The following CACNA1C variants were observed in gnomAD, a reference collection of about 807,000 sequenced individuals.
The protein encoded by CACNA1C is voltage-dependent L-type calcium channel subunit alpha-1C.
CACNA1C carries 30 observed loss-of-function variants against 229.0 expected under a neutral mutation model. The ratio of observed to expected loss-of-function variants is 0.13; its 90% confidence interval spans 0.10 to 0.18. CACNA1C has a LOEUF of 0.18. CACNA1C is among the 10% of genes least tolerant of loss of function. The pLI is 1.00. For synonymous variants in CACNA1C, 1,114 were observed against 1,132.5 expected, an observed-to-expected ratio of 0.98 and a Z score of 0.33; for missense variants, 1,658 against 2,845.0, an observed-to-expected ratio of 0.58 and a Z score of 9.49.
chr12:2,203,091 G>T lies in CACNA1C; in HGVS notation c.477+82661G>T, dbSNP rs139643502. On this transcript the variant is annotated intron_variant, in intron 3 of 46. Coordinates refer to ENST00000399655, the MANE Select transcript of CACNA1C (RefSeq NM_000719.7). ...AGAAAGGTCTTGATTTCCATGCTGG[G>T]GGTGTAGCCATGCATACCCTGTCTA... is the stretch of plus-strand genomic sequence containing the variant. Among the ~76,000 whole-genome samples the T allele has an allele frequency of 1.8e-4, 27 of 152,314 alleles. No individual in the cohort carries two copies. The East Asian group carries it at 4.1e-3, about 23-fold the overall frequency.
chr12:2,347,845 A>G (rs994658932), intron 3 of CACNA1C, among the ~76,000 whole-genome samples: 3 of 152,232 alleles, frequency 2.0e-5, no homozygotes, highest in Non-Finnish European at 4.4e-5. Context: ...AGCAGGTCCC[A>G]GACTCAGGTC....
At chr12:2,179,183 G>T (rs1290587971) in intron 3 of CACNA1C, among the ~76,000 whole-genome samples, 1 of 152,218 alleles carries the variant, frequency 6.6e-6, no homozygotes, top group Non-Finnish European at 1.5e-5. Flanking sequence ...AATGTTTGAT[G>T]ACTTGGAATC....
intron 3 of CACNA1C, among the ~76,000 whole-genome samples, chr12:2,356,135 G>T (rs7969235): frequency 0.023 from 3,499 of 152,372 alleles, 129 homozygotes; most frequent in African/African-American, 0.08. Context: ...ATTACCTGGT[G>T]CAGTAGCTTA....
At chr12:2,528,359 G>A (rs1049679827) in intron 9 of CACNA1C, among the ~76,000 whole-genome samples, 1 of 152,176 alleles carries the variant, frequency 6.6e-6, no homozygotes, top group African/African-American at 2.4e-5. Flanking sequence ...GGCCAAACCT[G>A]ATCATTTCAG....
chr12:2,282,072 A>G (rs1290739813), intron 3 of CACNA1C, among the ~76,000 whole-genome samples: 1 of 151,626 alleles, frequency 6.6e-6, no homozygotes, highest in Non-Finnish European at 1.5e-5. Flanking sequence ...TCCCTCCCTC[A>G]TTCCTTATCT....
intron 1 of CACNA1C, among the ~76,000 whole-genome samples, chr12:2,066,170 A>G (rs909794940): frequency 6.6e-6 from 1 of 152,070 alleles, no homozygotes; most frequent in Non-Finnish European, 1.5e-5. Flanking sequence ...GCCAGAGACA[A>G]GGGAGCCCTG....
chr12:2,310,446 T>C (rs1304146211), intron 3 of CACNA1C, among the ~76,000 whole-genome samples: 1 of 151,828 alleles, frequency 6.6e-6, no homozygotes. Context: ...GGAGGCAAAA[T>C]GACATTGACA....
intron 3 of CACNA1C, among the ~76,000 whole-genome samples, chr12:2,174,179 G>C (rs768784832): frequency 1.3e-5 from 2 of 152,082 alleles, no homozygotes; most frequent in Non-Finnish European, 2.9e-5. Flanking sequence ...CCAGATAAAT[G>C]GTGGCCAGCC....
At chr12:2,461,194 A>G (rs1307853681) in intron 5 of CACNA1C, among the ~76,000 whole-genome samples, 1 of 152,146 alleles carries the variant, frequency 6.6e-6, no homozygotes, top group African/African-American at 2.4e-5. Context: ...ACCATCAGTG[A>G]TCACCGTTAC....
In CACNA1C at chr12:2,512,975, C is replaced by A. The variant is rs776242172; in HGVS notation, c.1381C>A (p.Pro461Thr). 8.1e-6 allele frequency: 13 copies of A among 1,602,278 alleles called. No individual in the cohort carries two copies. The highest frequency in any genetic ancestry group is 1.0e-5 in the Non-Finnish European group (12 of 1,174,326). Residue 461 changes from proline (P) to threonine (T), a missense_variant, in exon 9 of 47, where the codon CCC (proline) becomes ACC (threonine). Physicochemically the swap from Pro to Thr is conservative, Grantham distance 38. Around this residue, in one of 20 missense-constraint regions of CACNA1C, gnomAD observed 149 missense variants for 194.2 expected, o/e 0.77. Transcript: ENST00000399655. This position sits in a 1 kb window ranked among gnomAD's most constrained non-coding sequence, Gnocchi z 4.3. The part of the protein sequence containing the change: ...NEDEGMDEEK[P>T]RNMSMPTSET... Reference sequence around the variant, plus strand: ...GGACGAAGGCATGGATGAGGAGAAGCCCCGAAACAGTGAGCAGCCGTCTTC... The same window carrying A: ...GGACGAAGGCATGGATGAGGAGAAGACCCGAAACAGTGAGCAGCCGTCTTC...
chr12:2,214,855 G>A (rs1365605687), intron 3 of CACNA1C, among the ~76,000 whole-genome samples: 1 of 151,422 alleles, frequency 6.6e-6, no homozygotes, highest in Non-Finnish European at 1.5e-5. Flanking sequence ...ATCCCTTCTA[G>A]TCTATGCTTC....
chr12:2,216,411 G>C (rs1209495831), intron 3 of CACNA1C, among the ~76,000 whole-genome samples: 3 of 152,176 alleles, frequency 2.0e-5, no homozygotes, highest in African/African-American at 7.2e-5. Flanking sequence ...GAGATAAAAG[G>C]CTTCAACTGG....
At position 2,438,388 on chromosome 12, in the gene CACNA1C, G is replaced by A. The variant is rs1009968778; in HGVS notation, c.478-10588G>A. On this transcript the variant is annotated intron_variant, in intron 3 of 46. Transcript: ENST00000399655. ...TGGTGGTGGTGGTGATGGTGGTCAT[G>A]GTAGTCATGGTGGTGGTGGTGATGG... Among the ~76,000 whole-genome samples, 2 of 145,700 alleles carry A rather than the reference G, an allele frequency of 1.4e-5. 1 individual carries two copies. Among genetic ancestry groups the A allele is most frequent in the South Asian group, 4.5e-4 (2 of 4,456 alleles).
chr12:2,485,776 G>A (rs2099695156), intron 5 of CACNA1C, among the ~76,000 whole-genome samples: 1 of 152,174 alleles, frequency 6.6e-6, no homozygotes, highest in Non-Finnish European at 1.5e-5. Context: ...GCTGCTCTAG[G>A]AGAAAAAGAT....
intron 37 of CACNA1C, among the ~76,000 whole-genome samples, chr12:2,667,943 C>T (rs1368103262): frequency 2.0e-5 from 3 of 152,238 alleles, no homozygotes; most frequent in African/African-American, 7.2e-5. Flanking sequence ...ATGCTGAAGG[C>T]CCCACACCAG....
intron 3 of CACNA1C, among the ~76,000 whole-genome samples, chr12:2,334,161 C>T (rs2096627391): frequency 6.6e-6 from 1 of 152,176 alleles, no homozygotes; most frequent in Non-Finnish European, 1.5e-5. Flanking sequence ...GTTACCCCCA[C>T]CTAGTGAAAA....
intron 3 of CACNA1C, among the ~76,000 whole-genome samples, chr12:2,272,587 G>A (rs2154421981): frequency 6.6e-6 from 1 of 152,342 alleles, no homozygotes; most frequent in East Asian, 1.9e-4. Context: ...CTTCCTGGAA[G>A]TTATTCCTAG....
At chr12:2,295,880 A>G (rs1303617764) in intron 3 of CACNA1C, among the ~76,000 whole-genome samples, 1 of 152,242 alleles carries the variant, frequency 6.6e-6, no homozygotes, top group Admixed American at 6.5e-5. Flanking sequence ...GTCCTCTGCC[A>G]TAGCTGCATC....
At chr12:2,385,963 A>G (rs977924749) in intron 3 of CACNA1C, among the ~76,000 whole-genome samples, 4 of 152,240 alleles carry the variant, frequency 2.6e-5, no homozygotes, top group African/African-American at 9.6e-5. Context: ...AATGACCATT[A>G]TTAAAAATTA....
Sources: gnomAD v4.1 joint callset for allele counts (sites outside exome capture counted in the v4.1 genomes callset) on GRCh38, gnomAD v4.1.1 for gene constraint, gnomAD v4.1.1 regional missense constraint, Gnocchi (gnomAD v3.1) non-coding constraint, MANE v1.5 for transcripts, NCBI Gene and HGNC (gene_info 2026-07-23, HGNC 2026-07-21) for gene names.